Variants in ERVK3-1 observed in about 807,000 individuals in gnomAD.
The protein encoded by ERVK3-1 is HERV-K(HML6-1).
At chr19:58,315,416 C>G (rs2051586308) in exon 4 of ERVK3-1, 1 of 152,220 alleles carries the variant, frequency 6.6e-6, no homozygotes, top group Admixed American at 6.5e-5. Context: ...TTTGCCTCTT[C>G]TGGACACTTC....
intron 3 of ERVK3-1, 29 bp from the exon 4 acceptor site, chr19:58,314,716 ATGT>A (rs779136185): frequency 4.0e-5 from 16 of 398,864 alleles, no homozygotes; most frequent in Non-Finnish European, 2.2e-5. Context: ...TACAAGAATA[ATGT>A]TGTTATGTCT....
Position 58,312,527 on chromosome 19 carries a change from G to T in ERVK3-1, c.294+65G>T. On this transcript the variant is annotated intron_variant, in intron 3 of 3. Coordinates refer to ENST00000413518, the Ensembl canonical transcript of ERVK3-1. This position sits in a 1 kb window ranked among gnomAD's most constrained non-coding sequence, Gnocchi z 4.7. ...TATGTTCCTAACCCACTGGTAGTAC[G>T]ACTGGTACTCTGGAGCGACACTCCT... The T allele has an allele frequency of 2.5e-6, 1 of 399,376 alleles. No individual in the cohort carries two copies. Among genetic ancestry groups the T allele is most frequent in the South Asian group, 1.3e-4 (1 of 7,526 alleles). 24.7% of individuals were successfully genotyped at this position (399,376 alleles called of 1,614,324 possible).
chr19:58,311,931 G>A (rs1375385400), intron 2 of ERVK3-1: 2 of 339,832 alleles, frequency 5.9e-6, no homozygotes, highest in Non-Finnish European at 1.1e-5. Context: ...AAAACAAAAA[G>A]GGAGAATAGG....
chr19:58,305,803 A>G (rs1198077040), intron 1 of ERVK3-1, among the ~76,000 whole-genome samples: 1 of 152,196 alleles, frequency 6.6e-6, no homozygotes, highest in Non-Finnish European at 1.5e-5. Flanking sequence ...GCCAGAAGGA[A>G]TGCTGGGGGC....
chr19:58,310,693 G>A lies in ERVK3-1; in HGVS notation c.-3-1473G>A, dbSNP rs1329935917. ...TGGAACATGAAGGCGGACTAGGAGC[G>A]TGACCACTGAAGCACAGAATCACAG... On this transcript the variant is annotated intron_variant, in intron 2 of 3. Coordinates refer to ENST00000413518, the Ensembl canonical transcript of ERVK3-1. The surrounding 1 kb of genome is among the most constrained non-coding windows in gnomAD (Gnocchi z 4.7). 2.7e-5 allele frequency: 5 copies of A among 184,756 alleles called. No individual in the cohort carries two copies. Among genetic ancestry groups the A allele is most frequent in the South Asian group, 1.6e-4 (2 of 12,838 alleles). The allele number at this position is 184,756 out of a possible 1,614,324, so 11.4% of individuals were successfully genotyped here. A position where few individuals can be genotyped will look rare whatever the true frequency, so the allele number is the denominator to read the frequency against.
At chr19:58,306,974 C>T (rs2051527807) in intron 2 of ERVK3-1, among the ~76,000 whole-genome samples, 1 of 152,244 alleles carries the variant, frequency 6.6e-6, no homozygotes, top group Admixed American at 6.5e-5. Context: ...TGTTTCTCTG[C>T]TAGTGCATAT....
At chr19:58,308,614 A>G (rs1480727122) in intron 2 of ERVK3-1, among the ~76,000 whole-genome samples, 3 of 152,176 alleles carry the variant, frequency 2.0e-5, no homozygotes. Flanking sequence ...CTACAGGGAA[A>G]CCCCGGTCCG....
At chr19:58,311,982 T>A (rs982904441) in intron 2 of ERVK3-1, 184 bp from the exon 3 acceptor site, 40 of 391,026 alleles carry the variant, frequency 1.0e-4, no homozygotes, top group Non-Finnish European at 7.2e-5. Context: ...TTTAGCCTTG[T>A]TTACTTTAAA....
Position 58,313,314 on chromosome 19 carries a change from TCTCA to T in ERVK3-1, c.294+856_294+859del, listed in dbSNP as rs2147971552. 6.6e-6 allele frequency among the ~76,000 whole-genome samples: 1 copy of T among 152,276 alleles called. No individual in the cohort carries two copies. The highest frequency in any genetic ancestry group is 2.1e-4 in the South Asian group (1 of 4,826). The stretch of plus-strand genomic sequence containing the variant: ...TTGTTGTTAACTGTTTGAGATGGAG[TCTCA>T]CTCTGTCGCCCAGGCTGGAGTGCAG... On this transcript the variant is annotated intron_variant, in intron 3 of 3. Transcript: ENST00000413518. The surrounding 1 kb of genome is among the most constrained non-coding windows in gnomAD (Gnocchi z 4.5).
exon 4 of ERVK3-1, chr19:58,315,529 CCT>C (rs2051587239): frequency 6.6e-6 from 1 of 152,152 alleles, no homozygotes; most frequent in Non-Finnish European, 1.5e-5. Flanking sequence ...GTTTTTCATT[CCT>C]CTTTATGGCT....
downstream of ERVK3-1, among the ~76,000 whole-genome samples, chr19:58,316,396 G>T (rs112554189): frequency 6.6e-6 from 1 of 152,204 alleles, no homozygotes; most frequent in Non-Finnish European, 1.5e-5. Context: ...CAAGCAGCAG[G>T]CTGGGCGCAG....
At position 58,310,760 on chromosome 19, in the gene ERVK3-1, TA is replaced by T; in HGVS notation, c.-3-1404del. The T allele has an allele frequency of 4.0e-6, 1 of 249,730 alleles. No individual in the cohort carries two copies. The allele number at this position is 249,730 out of a possible 1,614,324, so 15.5% of individuals were successfully genotyped here. ...CCGGATAACTGTGGGCGAGCCTGAC[TA>T]ATGTCAGGCCCTCCACAAGAGGTGG... On this transcript the variant is annotated intron_variant, in intron 2 of 3. Transcript: ENST00000413518. This position sits in a 1 kb window ranked among gnomAD's most constrained non-coding sequence, Gnocchi z 4.7.
chr19:58,310,819 A>G lies in ERVK3-1; in HGVS notation c.-3-1347A>G. On this transcript the variant is annotated intron_variant, in intron 2 of 3. Coordinates refer to ENST00000413518, the Ensembl canonical transcript of ERVK3-1. The surrounding 1 kb of genome is among the most constrained non-coding windows in gnomAD (Gnocchi z 4.7). ...GAGTCTTCTCTAACCTCCCCCAGGG[A>G]AAGGGAGACCGCCCCCCACCCTTTC... 1 of 368,142 alleles carries G rather than the reference A, an allele frequency of 2.7e-6. No homozygotes were observed. Among genetic ancestry groups the G allele is most frequent in the Non-Finnish European group, 5.6e-6 (1 of 178,864 alleles). 22.8% of individuals were successfully genotyped at this position (368,142 alleles called of 1,614,324 possible).
rs1600471711 is a variant in ERVK3-1, at chr19:58,310,958, C to G, written c.-3-1208C>G. 3.7e-6 allele frequency: 1 copy of G among 269,728 alleles called. No individual in the cohort carries two copies. Among genetic ancestry groups the G allele is most frequent in the East Asian group, 1.1e-4 (1 of 8,824 alleles). The allele number at this position is 269,728 out of a possible 1,614,324, so 16.7% of individuals were successfully genotyped here. ...CCAAGGAGCCCTCTGGTGGCCCTGT[C>G]TGGGCATAACAGAAGGCTCGCACTC... On this transcript the variant is annotated intron_variant, in intron 2 of 3. Transcript: ENST00000413518. This position sits in a 1 kb window ranked among gnomAD's most constrained non-coding sequence, Gnocchi z 4.7.
rs1041656806 is a variant in ERVK3-1 at position 58,312,075 on chromosome 19, A to G, written c.-3-91A>G. ...AGAGGAAAAGAGGCAAGTTTATCCAAAAGTGTTATGGAAATCCCCAGAAGA... is the reference window on the plus strand; with the variant it reads ...AGAGGAAAAGAGGCAAGTTTATCCAGAAGTGTTATGGAAATCCCCAGAAGA... On this transcript the variant is annotated intron_variant, in intron 2 of 3. Transcript: ENST00000413518. The surrounding 1 kb of genome is among the most constrained non-coding windows in gnomAD (Gnocchi z 4.7). 2.0e-5 allele frequency: 8 copies of G among 398,470 alleles called. No individual in the cohort carries two copies. The highest frequency in any genetic ancestry group is 1.2e-3 in the Middle Eastern group (2 of 1,610). The allele number at this position is 398,470 out of a possible 1,614,324, so 24.7% of individuals were successfully genotyped here.
In ERVK3-1 at chr19:58,313,559, G is replaced by A. The variant is rs2051570749; in HGVS notation, c.294+1097G>A. Among the ~76,000 whole-genome samples, 1 of 152,164 alleles carries A rather than the reference G, an allele frequency of 6.6e-6. No individual in the cohort carries two copies. On this transcript the variant is annotated intron_variant, in intron 3 of 3. Coordinates refer to ENST00000413518, the Ensembl canonical transcript of ERVK3-1. The surrounding 1 kb of genome is among the most constrained non-coding windows in gnomAD (Gnocchi z 4.5). ...ACCCGCCTTGGCTTCCCAAAGTGCTGGGATTACAGGCGTGAGCCACCATGC... is the reference window on the plus strand; with the variant it reads ...ACCCGCCTTGGCTTCCCAAAGTGCTAGGATTACAGGCGTGAGCCACCATGC...
chr19:58,311,659 A>G (rs1419840235), intron 2 of ERVK3-1: 1 of 152,246 alleles, frequency 6.6e-6, no homozygotes, highest in Non-Finnish European at 1.5e-5. Flanking sequence ...TTCATGTAAT[A>G]TAGACACTTA....
rs1261118942 is a variant in ERVK3-1, at chr19:58,310,969, A to G, written c.-3-1197A>G. The G allele has an allele frequency of 1.2e-5, 3 of 252,618 alleles. No homozygotes were observed. The highest frequency in any genetic ancestry group is 2.5e-5 in the Non-Finnish European group (3 of 118,676). The allele number at this position is 252,618 out of a possible 1,614,324, so 15.6% of individuals were successfully genotyped here. On this transcript the variant is annotated intron_variant, in intron 2 of 3. Transcript: ENST00000413518. This position sits in a 1 kb window ranked among gnomAD's most constrained non-coding sequence, Gnocchi z 4.7. ...TCTGGTGGCCCTGTCTGGGCATAAC[A>G]GAAGGCTCGCACTCTTGTCTTCTGG...
intron 3 of ERVK3-1, 47 bp from the exon 4 acceptor site, chr19:58,314,701 A>G (rs952128999): frequency 7.5e-6 from 3 of 399,376 alleles, no homozygotes; most frequent in Non-Finnish European, 1.3e-5. Flanking sequence ...CTCTTTTATA[A>G]TAATTACAAG....
Sources: allele counts gnomAD v4.1 joint callset (sites outside exome capture counted in the v4.1 genomes callset), GRCh38; gene constraint gnomAD v4.1.1; non-coding constraint Gnocchi (gnomAD v3.1); transcripts MANE v1.5; gene names NCBI Gene and HGNC (gene_info 2026-07-23, HGNC 2026-07-21).